Variants in GOLGB1 observed in about 807,000 individuals in gnomAD.
GOLGB1 encodes the protein golgin B1.
A neutral mutation model predicts 336.9 loss-of-function variants in GOLGB1; 174 were observed. The observed-to-expected ratio is 0.52, with a 90% confidence interval of 0.46 to 0.59. GOLGB1 has a LOEUF of 0.59. Among genes scored for constraint, GOLGB1 ranks in the 20% least tolerant of loss-of-function variants. The pLI, the probability that GOLGB1 is intolerant of heterozygous loss-of-function variation, is 0.00. For missense variants in GOLGB1, 3,331 were observed against 3,645.3 expected, an observed-to-expected ratio of 0.91 and a Z score of 2.22; for synonymous variants, 1,208 against 1,289.2, an observed-to-expected ratio of 0.94 and a Z score of 1.35.
intron 14 of GOLGB1, among the ~76,000 whole-genome samples, chr3:121,687,981 A>G (rs1284324796): frequency 6.6e-6 from 1 of 152,244 alleles, no homozygotes; most frequent in Admixed American, 6.5e-5. Flanking sequence ...AGTAAAAACC[A>G]TAACTGAACA....
Position 121,668,121 on chromosome 3 carries a change from T to A in GOLGB1, c.9359A>T (p.Gln3120Leu). 3 of 1,607,424 alleles carry A rather than the reference T, an allele frequency of 1.9e-6. No homozygotes were observed. In the South Asian group the frequency reaches 3.3e-5, roughly 18 times the overall value. Reference protein sequence around the residue: ...LNIDVAPGAPQEKNGVHRKSD... With the variant: ...LNIDVAPGAPLEKNGVHRKSD... Reference sequence around the variant, plus strand: ...CTTTCTGTGAACTCCATTCTTTTCCTGGGGAGCTCCTGGAGCAACATCTAT... The same window carrying A: ...CTTTCTGTGAACTCCATTCTTTTCCAGGGGAGCTCCTGGAGCAACATCTAT... Residue 3120 changes from glutamine (Q) to leucine (L), a missense_variant, in exon 19 of 22, where the codon CAG becomes CTG. By Grantham distance (113) the Gln-to-Leu change is moderately radical. Transcript: ENST00000614479.
At chr3:121,732,158 G>T (rs1165094075) in intron 1 of GOLGB1, among the ~76,000 whole-genome samples, 1 of 152,108 alleles carries the variant, frequency 6.6e-6, no homozygotes, top group Non-Finnish European at 1.5e-5. Context: ...ATATGTGTGG[G>T]TGCATGTGTG....
chr3:121,690,799 A>G lies in GOLGB1; in HGVS notation c.8565T>C (p.Asn2855=). The change falls in exon 14 of 22, where the codon AAT becomes AAC. Residue 2855 remains asparagine (N), a synonymous_variant. Coordinates refer to ENST00000614479, the MANE Select transcript of GOLGB1 (RefSeq NM_001366282.2). ...SLQNERDHLW[N]ELEKFRKSEE... ...CTGACTTTCGAAATTTCTCCAGCTC[A>G]TTCCACAGGTGATCTCTCTCATTCT... 1 of 1,602,666 alleles carries G rather than the reference A, an allele frequency of 6.2e-7. No individual in the cohort carries two copies. The highest frequency in any genetic ancestry group is 1.1e-5 in the South Asian group (1 of 88,842).
At chr3:121,717,891 A>G (rs973072629) in intron 8 of GOLGB1, among the ~76,000 whole-genome samples, 1 of 152,222 alleles carries the variant, frequency 6.6e-6, no homozygotes, top group African/African-American at 2.4e-5. Context: ...AAGTCTAAAC[A>G]TGAAATTCAT....
chr3:121,678,482 T>G (rs1483847700), intron 15 of GOLGB1, among the ~76,000 whole-genome samples: 1 of 152,226 alleles, frequency 6.6e-6, no homozygotes, highest in African/African-American at 2.4e-5. Context: ...TCCTCTAGCA[T>G]TGGTGAAACA....
intron 11 of GOLGB1, 107 bp downstream of exon 11, chr3:121,702,374 A>G (rs1943482190): frequency 4.5e-6 from 2 of 441,194 alleles, no homozygotes; most frequent in Non-Finnish European, 8.2e-6. Flanking sequence ...CTAAATCTTT[A>G]TTATCACGGA....
rs542417727 is a variant in GOLGB1, at chr3:121,693,772, G to A, written c.6751C>T (p.His2251Tyr). The change falls in exon 13 of 22, where the codon CAT (histidine) becomes TAT (tyrosine). Residue 2251 changes from histidine to tyrosine, a missense_variant. His to Tyr is a moderately conservative substitution (Grantham distance 83, BLOSUM62 2). Coordinates refer to ENST00000614479, the MANE Select transcript of GOLGB1 (RefSeq NM_001366282.2). ...LKDQLRQMSI[H>Y]MEELKINISR... is the part of the protein sequence containing the mutation. Reference sequence around the variant, plus strand: ...ATGTTAATCTTTAATTCTTCCATATGGATGGACATCTGTCTAAGTTGATCC... The same window carrying A: ...ATGTTAATCTTTAATTCTTCCATATAGATGGACATCTGTCTAAGTTGATCC... The A allele has an allele frequency of 3.7e-6, 6 of 1,607,880 alleles. No individual in the cohort carries two copies. In the South Asian group the frequency reaches 5.5e-5, roughly 15 times the overall value.
chr3:121,664,895 A>C, intron 21 of GOLGB1, 31 bp downstream of exon 21: 1 of 1,319,590 alleles, frequency 7.6e-7, no homozygotes, highest in Non-Finnish European at 1.1e-6. Flanking sequence ...CAGATAATAA[A>C]ACACCCTCTC....
intron 5 of GOLGB1, among the ~76,000 whole-genome samples, 179 bp from the exon 6 acceptor site, chr3:121,722,557 C>T (rs1314500437): frequency 2.0e-5 from 3 of 152,022 alleles, no homozygotes; most frequent in Non-Finnish European, 2.9e-5. Context: ...CAGAAGAAGA[C>T]AGAAGCAGTA....
At chr3:121,709,054 T>C (rs759079299) in intron 10 of GOLGB1, among the ~76,000 whole-genome samples, 4 of 152,176 alleles carry the variant, frequency 2.6e-5, no homozygotes, top group Non-Finnish European at 4.4e-5. Context: ...AATTATTTTA[T>C]TAATGCCAGA....
chr3:121,747,150 T>TTTTATA (rs1491175790), intron 1 of GOLGB1, among the ~76,000 whole-genome samples: 3 of 49,570 alleles, frequency 6.1e-5, no homozygotes, highest in African/African-American at 2.7e-4. Flanking sequence ...TACATGGATG[T>TTTTATA]TATATATATA....
At position 121,714,982 on chromosome 3, in the gene GOLGB1, G is replaced by T; in HGVS notation, c.1289-6C>A. On this transcript the variant is annotated splice_region_variant and splice_polypyrimidine_tract_variant and intron_variant, in intron 9 of 21. Coordinates refer to ENST00000614479, the MANE Select transcript of GOLGB1 (RefSeq NM_001366282.2). ...GGATTTTTGCTGGAGCTGATCTAAGGAAAAGAAAAAAAATAAATGTAATAT... is the reference window on the plus strand; with the variant it reads ...GGATTTTTGCTGGAGCTGATCTAAGTAAAAGAAAAAAAATAAATGTAATAT... The T allele has an allele frequency of 6.9e-7, 1 of 1,456,184 alleles. No individual in the cohort carries two copies. The highest frequency in any genetic ancestry group is 1.2e-5 in the South Asian group (1 of 86,140). The allele number at this position is 1,456,184 out of a possible 1,614,324, so 90.2% of individuals were successfully genotyped here.
rs777166158 is a variant in GOLGB1, at chr3:121,696,512, A to G, written c.4011T>C (p.Leu1337=). The part of the protein sequence containing the change: ...ELKVSSTTSE[L]TKKSEEVFQL... ...GAAATACCTCTTCTGATTTTTTAGTAAGCTCACTTGTTGTAGAACTAACTT... is the reference window on the plus strand; with the variant it reads ...GAAATACCTCTTCTGATTTTTTAGTGAGCTCACTTGTTGTAGAACTAACTT... Residue 1337 remains leucine (L), a synonymous_variant, in exon 13 of 22, where the codon CTT becomes CTC. Coordinates refer to ENST00000614479, the MANE Select transcript of GOLGB1 (RefSeq NM_001366282.2). 11 of 1,614,106 alleles carry G rather than the reference A, an allele frequency of 6.8e-6. No homozygotes were observed. Among genetic ancestry groups the G allele is most frequent in the African/African-American group, 1.3e-5 (1 of 75,040 alleles).
At chr3:121,730,567 C>G (rs1310981639) in intron 2 of GOLGB1, among the ~76,000 whole-genome samples, 1 of 152,114 alleles carries the variant, frequency 6.6e-6, no homozygotes, top group Non-Finnish European at 1.5e-5. Flanking sequence ...TCACTTAGAC[C>G]TTTCCTGTGG....
Position 121,697,114 on chromosome 3 carries a change from C to T in GOLGB1, c.3409G>A (p.Ala1137Thr). 1.9e-6 allele frequency: 3 copies of T among 1,614,076 alleles called. No homozygotes were observed. Among genetic ancestry groups the T allele is most frequent in the Non-Finnish European group, 2.5e-6 (3 of 1,179,954 alleles). Residue 1137 changes from alanine (A) to threonine (T), a missense_variant, in exon 13 of 22, where the codon GCA becomes ACA. Ala to Thr is a moderately conservative substitution (Grantham distance 58, BLOSUM62 0). Transcript: ENST00000614479. ...AGTGCTACGGAGTCCCCATCACTTG[C>T]ATCCGTGTTACTTGTGATTAACTTC... ...IQKLITSNTD[A>T]SDGDSVALVK...
chr3:121,748,090 C>T (rs1275755609), intron 1 of GOLGB1, among the ~76,000 whole-genome samples: 1 of 151,782 alleles, frequency 6.6e-6, no homozygotes, highest in Non-Finnish European at 1.5e-5. Context: ...AAAACTCAAG[C>T]AGAAGGTTGA....
intron 6 of GOLGB1, among the ~76,000 whole-genome samples, chr3:121,721,811 C>T (rs1052031896): frequency 1.3e-5 from 2 of 152,084 alleles, no homozygotes; most frequent in East Asian, 3.9e-4. Flanking sequence ...TCATTACAGG[C>T]TCACTAAGTA....
intron 11 of GOLGB1, 72 bp from the exon 12 acceptor site, chr3:121,699,957 G>T: frequency 1.2e-6 from 1 of 849,940 alleles, no homozygotes; most frequent in Non-Finnish European, 1.9e-6. Context: ...TGCATGTGAA[G>T]CTATTTGAAT....
chr3:121,664,996 G>A lies in GOLGB1; in HGVS notation c.9590C>T (p.Pro3197Leu). The change falls in exon 21 of 22, where the codon CCT becomes CTT. Residue 3197 changes from proline to leucine, a missense_variant. Physicochemically the swap from Pro to Leu is moderately conservative, Grantham distance 98 (BLOSUM62 -3). Coordinates refer to ENST00000614479, the MANE Select transcript of GOLGB1 (RefSeq NM_001366282.2). ...EHSEWDSSRT[P>L]IIGSCGTQEQ... Reference sequence around the variant, plus strand: ...CTGAGTGCCACAGGAGCCAATGATAGGAGTCCGGGAAGAGTCCCATTCACT... The same window carrying A: ...CTGAGTGCCACAGGAGCCAATGATAAGAGTCCGGGAAGAGTCCCATTCACT... 1.9e-6 allele frequency: 3 copies of A among 1,611,278 alleles called. No individual in the cohort carries two copies. The highest frequency in any genetic ancestry group is 1.7e-6 in the Non-Finnish European group (2 of 1,177,382).
Sources: gnomAD v4.1 joint callset for allele counts (sites outside exome capture counted in the v4.1 genomes callset) on GRCh38, gnomAD v4.1.1 for gene constraint, MANE v1.5 for transcripts, NCBI Gene and HGNC (gene_info 2026-07-23, HGNC 2026-07-21) for gene names.